Variants in FAM151B observed in about 807,000 individuals in gnomAD.
FAM151B encodes the protein family with sequence similarity 151 member B.
Under a neutral mutation model 31.2 loss-of-function variants are expected in FAM151B, and 24 were observed. The observed-to-expected ratio is 0.77, with a 90% confidence interval of 0.56 to 1.08. FAM151B has a LOEUF of 1.08. Among genes scored for constraint, FAM151B ranks in the 50% least tolerant of loss-of-function variants. The pLI, the probability that FAM151B is intolerant of heterozygous loss-of-function variation, is 0.00. For synonymous variants in FAM151B, 105 were observed against 111.4 expected (o/e 0.94, Z 0.36); for missense variants, 293 against 328.6 (o/e 0.89, Z 0.84).
intron 5 of FAM151B, among the ~76,000 whole-genome samples, chr5:80,540,713 T>C (rs1745840252): frequency 6.6e-6 from 1 of 152,194 alleles, no homozygotes; most frequent in Admixed American, 6.5e-5. Context: ...CAGAACTAAT[T>C]TTCACTTTTC....
chr5:80,539,212 C>A (rs955803650), intron 5 of FAM151B, among the ~76,000 whole-genome samples: 7 of 151,988 alleles, frequency 4.6e-5, no homozygotes, highest in Non-Finnish European at 1.0e-4. Context: ...TATGTCATTT[C>A]CAACTCTTAA....
At chr5:80,489,225 T>G (rs1334819195) in intron 1 of FAM151B, among the ~76,000 whole-genome samples, 1 of 152,232 alleles carries the variant, frequency 6.6e-6, no homozygotes, top group Non-Finnish European at 1.5e-5. Context: ...GAATTCATTC[T>G]GTAATGAACA....
chr5:80,538,513 TTTCCTTCC>T (rs60106370), intron 5 of FAM151B, among the ~76,000 whole-genome samples: 5,485 of 61,154 alleles, frequency 0.09, 341 homozygotes, highest in East Asian at 0.14. Context: ...CTTTTCTTTC[TTTCCTTCC>T]TTCCTTCCTT....
intron 1 of FAM151B, chr5:80,501,546 T>A: frequency 2.1e-6 from 1 of 471,926 alleles, no homozygotes; most frequent in Non-Finnish European, 3.8e-6. Flanking sequence ...AATTGTACTG[T>A]ATATAAGGGA....
rs537263686 is a variant in FAM151B, at chr5:80,530,489, A to T, written c.671+8351A>T. 6.0e-4 allele frequency among the ~76,000 whole-genome samples: 92 copies of T among 152,318 alleles called. 1 individual carries two copies. Among genetic ancestry groups the T allele is most frequent in the Admixed American group, 1.8e-3 (28 of 15,298 alleles). On this transcript the variant is annotated intron_variant, in intron 5 of 5. Transcript: ENST00000282226. ...CATGATTGTATATTTAGAAAACCCTATTGTCTCAGCCCAAAATCTCCTTAA... is the reference window on the plus strand; with the variant it reads ...CATGATTGTATATTTAGAAAACCCTTTTGTCTCAGCCCAAAATCTCCTTAA...
intron 1 of FAM151B, among the ~76,000 whole-genome samples, chr5:80,497,811 G>C (rs939332881): frequency 3.3e-5 from 4 of 121,522 alleles, no homozygotes; most frequent in African/African-American, 1.2e-4. Context: ...GGGGAGGGGG[G>C]AGGGATAGCA....
rs370464941 is a variant in FAM151B, at chr5:80,513,784, A to T, written c.317+15A>T. The T allele has an allele frequency of 2.0e-4, 317 of 1,589,192 alleles. No individual in the cohort carries two copies. The highest frequency in any genetic ancestry group is 2.6e-4 in the Non-Finnish European group (309 of 1,170,326). On this transcript the variant is annotated intron_variant, in intron 3 of 5. Coordinates refer to ENST00000282226, the MANE Select transcript of FAM151B (RefSeq NM_205548.3). ...GATTTCAAAAGGTATTTGTATAAACACGTTCAATTTTCTGGGAAAAAAGTA... is the reference window on the plus strand; with the variant it reads ...GATTTCAAAAGGTATTTGTATAAACTCGTTCAATTTTCTGGGAAAAAAGTA...
Position 80,538,478 on chromosome 5 carries a change from C to G in FAM151B, c.672-3195C>G, listed in dbSNP as rs1225060839. On this transcript the variant is annotated intron_variant, in intron 5 of 5. Transcript: ENST00000282226. ...TCTTTCTTTCTTTCTTTCTTTCTTT[C>G]TTTCTTTCCTTCCTTCCTTCCTTTC... is the stretch of plus-strand genomic sequence containing the variant. 5.1e-3 allele frequency among the ~76,000 whole-genome samples: 620 copies of G among 121,814 alleles called. 28 individuals are homozygous for G. Among genetic ancestry groups the G allele is most frequent in the African/African-American group, 0.015 (435 of 29,198 alleles). 79.9% of individuals were successfully genotyped at this position (121,814 alleles called of 152,430 possible).
At chr5:80,506,215 G>A in intron 2 of FAM151B, 1 of 630,364 alleles carries the variant, frequency 1.6e-6, no homozygotes, top group Non-Finnish European at 2.0e-6. Flanking sequence ...TGATCAAACT[G>A]GGCTCAATTA....
At chr5:80,516,877 A>G (rs774307372) in intron 3 of FAM151B, among the ~76,000 whole-genome samples, 3 of 152,198 alleles carry the variant, frequency 2.0e-5, no homozygotes, top group African/African-American at 4.8e-5. Flanking sequence ...AGTTTCAGTA[A>G]CCTGCAGTAC....
At chr5:80,538,456 T>TTCTCTCTCTC (rs1491101307) in intron 5 of FAM151B, among the ~76,000 whole-genome samples, 1 of 59,640 alleles carries the variant, frequency 1.7e-5, no homozygotes, top group Non-Finnish European at 3.5e-5. Context: ...TTCTCTTTCT[T>TTCTCTCTCTC]TCTTTCTTTC....
At chr5:80,525,826 A>C (rs945726202) in intron 5 of FAM151B, among the ~76,000 whole-genome samples, 1 of 152,058 alleles carries the variant, frequency 6.6e-6, no homozygotes, top group African/African-American at 2.4e-5. Flanking sequence ...CTACTTCTCC[A>C]GAAAGTACAG....
At chr5:80,510,136 TA>T in intron 2 of FAM151B, among the ~76,000 whole-genome samples, 1 of 152,234 alleles carries the variant, frequency 6.6e-6, no homozygotes, top group Non-Finnish European at 1.5e-5. Context: ...TGACTTAAAA[TA>T]GCAGTGCTGT....
At chr5:80,497,145 G>C (rs1385501119) in intron 1 of FAM151B, among the ~76,000 whole-genome samples, 1 of 151,636 alleles carries the variant, frequency 6.6e-6, no homozygotes, top group Non-Finnish European at 1.5e-5. Flanking sequence ...TGCTCAAAAG[G>C]CCAGGCACGG....
In FAM151B at chr5:80,538,667, G is replaced by C. The variant is rs1160800908; in HGVS notation, c.672-3006G>C. Among the ~76,000 whole-genome samples, 4 of 150,198 alleles carry C rather than the reference G, an allele frequency of 2.7e-5. No homozygotes were observed. In the East Asian group the frequency reaches 7.9e-4, roughly 30 times the overall value. ...ACTGGAGTGCAGTGGCAGGATCTTG[G>C]CTCACTGCAACCTCTGCTTCCTAGG... On this transcript the variant is annotated intron_variant, in intron 5 of 5. Transcript: ENST00000282226.
chr5:80,494,598 G>A (rs1743462197), intron 1 of FAM151B, among the ~76,000 whole-genome samples: 1 of 150,810 alleles, frequency 6.6e-6, no homozygotes, highest in South Asian at 2.1e-4. Flanking sequence ...TTGCAGCCTG[G>A]ACCTCCTGGG....
chr5:80,494,528 T>C (rs918924473), intron 1 of FAM151B, among the ~76,000 whole-genome samples: 10 of 140,962 alleles, frequency 7.1e-5, no homozygotes, highest in African/African-American at 2.7e-4. Context: ...TTCTTTCTTT[T>C]TTAAGACAGG....
rs1238053678 is a variant in FAM151B at position 80,488,112 on chromosome 5, G to A, written c.-12G>A. The A allele has an allele frequency of 1.3e-6, 2 of 1,541,204 alleles. No individual in the cohort carries two copies. The highest frequency in any genetic ancestry group is 2.0e-5 in the Admixed American group (1 of 51,164). ...AGCCTGGGCGCCTGCGCGGACGGCG[G>A]GCGTCGTCACCATGGCAGCATCCGC... On this transcript the variant is annotated 5_prime_UTR_variant, in exon 1 of 6. Transcript: ENST00000282226.
intron 2 of FAM151B, among the ~76,000 whole-genome samples, chr5:80,512,799 A>C (rs1033748637): frequency 6.7e-6 from 1 of 148,442 alleles, no homozygotes; most frequent in African/African-American, 2.5e-5. Context: ...AAAAAAAGAA[A>C]TTTAAAAAAA....
Sources: gnomAD v4.1 joint callset for allele counts (sites outside exome capture counted in the v4.1 genomes callset) on GRCh38, gnomAD v4.1.1 for gene constraint, MANE v1.5 for transcripts, NCBI Gene and HGNC (gene_info 2026-07-23, HGNC 2026-07-21) for gene names.